The following ALDH4A1 variants were observed in gnomAD, a reference collection of about 807,000 sequenced individuals.
ALDH4A1 encodes the protein aldehyde dehydrogenase 4 family member A1, also known as delta-1-pyrroline-5-carboxylate dehydrogenase, mitochondrial.
In ALDH4A1, 46 loss-of-function variants were observed where a neutral mutation model predicts 70.5. The ratio of observed to expected loss-of-function variants is 0.65; its 90% CI spans 0.51 to 0.83. The LOEUF (loss-of-function observed/expected upper bound fraction) is 0.83, where lower values mean the gene tolerates loss of function less well. ALDH4A1 is among the 40% of genes least tolerant of loss of function. The probability of loss-of-function intolerance (pLI) is 0.00; values close to 1 mark genes in which losing one functional copy is unlikely to be tolerated. For missense variants in ALDH4A1, 749 were observed against 766.5 expected (o/e 0.98, Z 0.27); for synonymous variants, 323 against 324.3 (o/e 1.00, Z 0.04).
At chr1:18,877,843 G>A (rs1437804452) in intron 9 of ALDH4A1, among the ~76,000 whole-genome samples, 1 of 152,206 alleles carries the variant, frequency 6.6e-6, no homozygotes, top group African/African-American at 2.4e-5. Context: ...GGGGTGAAGG[G>A]CATCAGAGGT....
chr1:18,885,779 G>T, intron 4 of ALDH4A1, 151 bp from the exon 5 acceptor site: 2 of 1,165,454 alleles, frequency 1.7e-6, no homozygotes, highest in Non-Finnish European at 2.4e-6. Context: ...CACCATAGCT[G>T]CCAACAACAG....
intron 5 of ALDH4A1, among the ~76,000 whole-genome samples, chr1:18,884,742 C>A (rs2100579831): frequency 6.6e-6 from 1 of 152,314 alleles, no homozygotes; most frequent in East Asian, 1.9e-4. Context: ...GATGCAGGAA[C>A]AACATGCTCT....
chr1:18,894,104 G>C (rs992024306), intron 1 of ALDH4A1, among the ~76,000 whole-genome samples: 1 of 152,186 alleles, frequency 6.6e-6, no homozygotes, highest in Non-Finnish European at 1.5e-5. Context: ...AAACTGTAAA[G>C]GTCTCAGAAT....
At position 18,890,366 on chromosome 1, in the gene ALDH4A1, A is replaced by C. The variant is rs138360310; in HGVS notation, c.63-261T>G. Among the ~76,000 whole-genome samples the C allele has an allele frequency of 5.5e-3, 840 of 152,304 alleles. 14 individuals carry two copies. The highest frequency in any genetic ancestry group is 0.045 in the South Asian group (217 of 4,820). On this transcript the variant is annotated intron_variant, in intron 1 of 14. Coordinates refer to ENST00000375341, the MANE Select transcript of ALDH4A1 (RefSeq NM_003748.4). ...AGACCAGCCTGGCCAACACGGTGAA[A>C]TCCCGTCTCTACTAAAAATATTTTA...
In ALDH4A1 at chr1:18,872,629, A is replaced by C; in HGVS notation, c.*216T>G. ...TCATACCTCCCACATGGCCGATGGG[A>C]TAAGGGGTAGTGGCCATGTTCCTCC... On this transcript the variant is annotated 3_prime_UTR_variant, in exon 15 of 15. Coordinates refer to ENST00000375341, the MANE Select transcript of ALDH4A1 (RefSeq NM_003748.4). 5.8e-6 allele frequency: 3 copies of C among 518,690 alleles called. No individual in the cohort carries two copies. The highest frequency in any genetic ancestry group is 1.9e-5 in the African/African-American group (1 of 52,282). The allele number at this position is 518,690 out of a possible 1,614,324, so 32.1% of individuals were successfully genotyped here.
intron 13 of ALDH4A1, among the ~76,000 whole-genome samples, chr1:18,875,018 G>A (rs182425949): frequency 7.9e-5 from 12 of 152,256 alleles, no homozygotes; most frequent in Non-Finnish European, 1.6e-4. Flanking sequence ...ACCCAGGTTC[G>A]AATCCTGCCT....
chr1:18,894,702 C>T (rs1935555728), intron 1 of ALDH4A1, among the ~76,000 whole-genome samples: 2 of 152,162 alleles, frequency 1.3e-5, no homozygotes, highest in Non-Finnish European at 2.9e-5. Flanking sequence ...CACGGCTTTC[C>T]CTGTGCCTGG....
Position 18,885,464 on chromosome 1 carries a change from GCACCT to G in ALDH4A1, c.453+4_453+8del. 1.8e-6 allele frequency: 1 copy of G among 551,270 alleles called. No homozygotes were observed. Among genetic ancestry groups the G allele is most frequent in the Non-Finnish European group, 2.4e-6 (1 of 416,090 alleles). The allele number at this position is 551,270 out of a possible 1,614,324, so 34.1% of individuals were successfully genotyped here. A position where few individuals can be genotyped will look rare whatever the true frequency, so the allele number is the denominator to read the frequency against. Reference sequence around the variant, plus strand: ...CCGCCCCACCCACCCGGGCCCACCAGCACCTCACCTGTCCCACCATGGTCTTGGCG... The same window carrying G: ...CCGCCCCACCCACCCGGGCCCACCAGCACCTGTCCCACCATGGTCTTGGCG... On this transcript the variant is annotated splice_donor_5th_base_variant and intron_variant, in intron 5 of 14. Transcript: ENST00000375341.
intron 1 of ALDH4A1, among the ~76,000 whole-genome samples, chr1:18,901,639 C>T (rs1420432218): frequency 6.6e-6 from 1 of 152,156 alleles, no homozygotes; most frequent in Admixed American, 6.5e-5. Flanking sequence ...GGCAGGTCCA[C>T]CCCTGAACTG....
chr1:18,874,819 G>A (rs984881827), intron 13 of ALDH4A1, among the ~76,000 whole-genome samples: 1 of 152,196 alleles, frequency 6.6e-6, no homozygotes, highest in East Asian at 1.9e-4. Flanking sequence ...GGGCTACTGC[G>A]AAGTTGAAGG....
intron 1 of ALDH4A1, chr1:18,890,770 T>C (rs1935404937): frequency 1.0e-6 from 1 of 985,500 alleles, no homozygotes; most frequent in Non-Finnish European, 1.2e-6. Context: ...TTACTCTCCC[T>C]TTCTTCTCCC....
chr1:18,876,207 T>C, intron 12 of ALDH4A1, 108 bp downstream of exon 12: 6 of 1,454,272 alleles, frequency 4.1e-6, no homozygotes, highest in South Asian at 3.6e-5. Flanking sequence ...GGGTCTCCCT[T>C]TAGGGCCTCA....
In ALDH4A1 at chr1:18,877,177, C is replaced by A. The variant is rs994597209; in HGVS notation, c.1185+31G>T. 3.1e-6 allele frequency: 5 copies of A among 1,601,474 alleles called. No homozygotes were observed. The African/African-American group carries it at 6.7e-5, about 22-fold the overall frequency. Reference sequence around the variant, plus strand: ...TTCCACCCACTCCAGGGCTTGCCCCCACCCAGGAACGCCCACTTCCCACCC... The same window carrying A: ...TTCCACCCACTCCAGGGCTTGCCCCAACCCAGGAACGCCCACTTCCCACCC... On this transcript the variant is annotated intron_variant, in intron 11 of 14. Coordinates refer to ENST00000375341, the MANE Select transcript of ALDH4A1 (RefSeq NM_003748.4).
chr1:18,876,271 TGGGATTGTCCTCCTCTG>T, intron 12 of ALDH4A1, 27 bp downstream of exon 12: 1 of 1,607,394 alleles, frequency 6.2e-7, no homozygotes, highest in Non-Finnish European at 8.5e-7. Flanking sequence ...TGTGCTCCGG[TGGGATTGTCCTCCTCTG>T]GACCCCAGGC....
intron 1 of ALDH4A1, among the ~76,000 whole-genome samples, chr1:18,900,523 G>A (rs910168754): frequency 5.9e-5 from 9 of 152,220 alleles, no homozygotes; most frequent in Non-Finnish European, 1.2e-4. Context: ...GGTTTTTTTC[G>A]TAATTGTCAG....
chr1:18,877,762 C>G (rs927608830), intron 9 of ALDH4A1, 150 bp from the exon 10 acceptor site: 7 of 954,442 alleles, frequency 7.3e-6, no homozygotes, highest in Non-Finnish European at 9.3e-6. Flanking sequence ...TGAGCGCTGG[C>G]CAACATCCCA....
At chr1:18,885,428 C>CCCCCCCCCCCCCCCCCCCCCCCCCCCCGG in intron 5 of ALDH4A1, 45 bp downstream of exon 5, 1 of 519,276 alleles carries the variant, frequency 1.9e-6, no homozygotes, top group South Asian at 1.6e-5. Flanking sequence ...ACACCTGACT[C>CCCCCCCCCCCCCCCCCCCCCCCCCCCCGG]CCACCCCACC....
At chr1:18,892,620 C>T (rs1029041610) in intron 1 of ALDH4A1, among the ~76,000 whole-genome samples, 7 of 151,624 alleles carry the variant, frequency 4.6e-5, no homozygotes, top group African/African-American at 1.7e-4. Flanking sequence ...GCAGGGCACC[C>T]AAGATCCTGA....
rs559049594 is a variant in ALDH4A1 at position 18,896,112 on chromosome 1, G to A, written c.63-6007C>T. On this transcript the variant is annotated intron_variant, in intron 1 of 14. Coordinates refer to ENST00000375341, the MANE Select transcript of ALDH4A1 (RefSeq NM_003748.4). ...ACATAGCCGGAATGGGGCTCCTATC[G>A]GATTCCTCTCATAGCTCTAGACTTT... 1.6e-4 allele frequency among the ~76,000 whole-genome samples: 24 copies of A among 152,040 alleles called. 1 individual carries two copies. The highest frequency in any genetic ancestry group is 5.2e-4 in the Admixed American group (8 of 15,284).
Sources: gnomAD v4.1 joint callset for allele counts (sites outside exome capture counted in the v4.1 genomes callset) on GRCh38, gnomAD v4.1.1 for gene constraint, MANE v1.5 for transcripts, NCBI Gene and HGNC (gene_info 2026-07-23, HGNC 2026-07-21) for gene names.